RETREG2: variants seen among roughly 807,000 people sequenced by gnomAD.
RETREG2 encodes reticulophagy regulator 2.
A neutral mutation model predicts 51.6 loss-of-function variants in RETREG2; 21 were observed. The ratio of observed to expected loss-of-function variants is 0.41; its 90% CI spans 0.29 to 0.59. The LOEUF (loss-of-function observed/expected upper bound fraction) is 0.59. Ranked by LOEUF, RETREG2 falls within the 20% of genes least tolerant of loss-of-function variation. RETREG2 has a pLI of 0.34. For synonymous variants in RETREG2, 339 were observed against 288.6 expected, an observed-to-expected ratio of 1.17 and a Z score of -1.77; for missense variants, 674 against 646.0, an observed-to-expected ratio of 1.04 and a Z score of -0.47.
At position 219,178,534 on chromosome 2, in the gene RETREG2, G is replaced by A; in HGVS notation, c.182G>A (p.Arg61His). 1 of 1,434,792 alleles carries A rather than the reference G, an allele frequency of 7.0e-7. No individual in the cohort carries two copies. The allele number at this position is 1,434,792 out of a possible 1,614,324, so 88.9% of individuals were successfully genotyped here. A position where few individuals can be genotyped will look rare whatever the true frequency, so the allele number is the denominator to read the frequency against. Reference protein sequence around the residue: ...RLATTLWLRLRGWEAVLAAAQ... With the variant: ...RLATTLWLRLHGWEAVLAAAQ... ...GCCACGACGCTGTGGCTGCGGCTCC[G>A]CGGCTGGGAGGCGGTGCTGGCGGCG... The change falls in exon 1 of 9, where the codon CGC becomes CAC. Residue 61 changes from arginine (R) to histidine (H), a missense_variant. Arg to His is a conservative substitution (Grantham distance 29). Coordinates refer to ENST00000430297, the MANE Select transcript of RETREG2 (RefSeq NM_024293.6).
rs1488197886 is a variant in RETREG2, at chr2:219,184,761, G to A, written c.*2132G>A. 2 of 151,712 alleles carry A rather than the reference G, an allele frequency of 1.3e-5. No homozygotes were observed. Among genetic ancestry groups the A allele is most frequent in the Non-Finnish European group, 2.9e-5 (2 of 67,956 alleles). The allele number at this position is 151,712 out of a possible 1,614,324, so 9.4% of individuals were successfully genotyped here. Reference sequence around the variant, plus strand: ...TAGCTGGATCAAAATATTCTCCATAGGCCTGGAGTTTCATGAGGGTCTATT... The same window carrying A: ...TAGCTGGATCAAAATATTCTCCATAAGCCTGGAGTTTCATGAGGGTCTATT... On this transcript the variant is annotated 3_prime_UTR_variant, in exon 9 of 9. Coordinates refer to ENST00000430297, the MANE Select transcript of RETREG2 (RefSeq NM_024293.6).
intron 3 of RETREG2, 92 bp downstream of exon 3, chr2:219,179,855 A>G (rs1305961325): frequency 7.2e-7 from 1 of 1,382,160 alleles, no homozygotes; most frequent in Non-Finnish European, 1.0e-6. Context: ...GTGCCCCAGC[A>G]TTGTGAATGA....
At chr2:219,180,836 C>G (rs1950268421) in intron 5 of RETREG2, 82 bp downstream of exon 5, 1 of 1,495,012 alleles carries the variant, frequency 6.7e-7, no homozygotes, top group Non-Finnish European at 9.3e-7. Flanking sequence ...AGACTATGCT[C>G]TCTCTGCTCA....
chr2:219,180,893 T>A, intron 5 of RETREG2, 139 bp downstream of exon 5: 4 of 1,330,626 alleles, frequency 3.0e-6, no homozygotes, highest in Non-Finnish European at 4.2e-6. Flanking sequence ...TATTAGTAAC[T>A]GTGGAAGACT....
At position 219,183,354 on chromosome 2, in the gene RETREG2, C is replaced by G. The variant is rs1574787785; in HGVS notation, c.*725C>G. 6.6e-6 allele frequency: 1 copy of G among 152,444 alleles called. No homozygotes were observed. Among genetic ancestry groups the G allele is most frequent in the East Asian group, 1.9e-4 (1 of 5,204 alleles). 9.4% of individuals were successfully genotyped at this position (152,444 alleles called of 1,614,324 possible). On this transcript the variant is annotated 3_prime_UTR_variant, in exon 9 of 9. Transcript: ENST00000430297. The stretch of plus-strand genomic sequence containing the variant: ...CAGCACTGGAGTTGGTGAGCATGTG[C>G]TCTCTCTTGAGATTAGGAGCTTCCT...
intron 2 of RETREG2, 25 bp from the exon 3 acceptor site, chr2:219,179,708 A>C: frequency 2.5e-6 from 4 of 1,613,158 alleles, no homozygotes; most frequent in Non-Finnish European, 3.4e-6. Context: ...CCACTCAATA[A>C]TTTGCCCCCC....
intron 5 of RETREG2, 46 bp from the exon 6 acceptor site, chr2:219,181,016 A>T: frequency 6.2e-7 from 1 of 1,607,040 alleles, no homozygotes; most frequent in Non-Finnish European, 8.5e-7. Context: ...GGGGGCTCTT[A>T]GGAAATTGGC....
At chr2:219,181,912 C>T (rs1283456833) in intron 8 of RETREG2, 101 bp from the exon 9 acceptor site, 2 of 1,559,876 alleles carry the variant, frequency 1.3e-6, no homozygotes, top group East Asian at 4.5e-5. Flanking sequence ...AAGGCTTGGC[C>T]CAGCTTTCCA....
rs1950300875 is a variant in RETREG2, at chr2:219,182,714, G to T, written c.*85G>T. ...GTTTCCTCCTTTGCCTACCACTCTGGGGTGGGGCAGTGTGTGGGGAAGCTG... is the reference window on the plus strand; with the variant it reads ...GTTTCCTCCTTTGCCTACCACTCTGTGGTGGGGCAGTGTGTGGGGAAGCTG... On this transcript the variant is annotated 3_prime_UTR_variant, in exon 9 of 9. Coordinates refer to ENST00000430297, the MANE Select transcript of RETREG2 (RefSeq NM_024293.6). 4 of 1,507,430 alleles carry T rather than the reference G, an allele frequency of 2.7e-6. No individual in the cohort carries two copies. Among genetic ancestry groups the T allele is most frequent in the African/African-American group, 1.4e-5 (1 of 72,608 alleles). 93.4% of individuals were successfully genotyped at this position (1,507,430 alleles called of 1,614,324 possible).
chr2:219,179,792 A>C, intron 3 of RETREG2, 29 bp downstream of exon 3: 1 of 1,609,106 alleles, frequency 6.2e-7, no homozygotes, highest in South Asian at 1.1e-5. Flanking sequence ...TTGAAGACAA[A>C]TGCCCACATC....
In RETREG2 at chr2:219,182,953, G is replaced by A; in HGVS notation, c.*324G>A. 2.8e-6 allele frequency: 1 copy of A among 358,636 alleles called. No homozygotes were observed. The allele number at this position is 358,636 out of a possible 1,614,324, so 22.2% of individuals were successfully genotyped here. On this transcript the variant is annotated 3_prime_UTR_variant, in exon 9 of 9. Transcript: ENST00000430297. Reference sequence around the variant, plus strand: ...TCATTCCACTATGCCCCAAGCCCTGGTGGTCTGGCCCTTTCTTTTTCCTCC... The same window carrying A: ...TCATTCCACTATGCCCCAAGCCCTGATGGTCTGGCCCTTTCTTTTTCCTCC...
Position 219,180,204 on chromosome 2 carries a change from C to G in RETREG2, c.514C>G (p.Leu172Val), listed in dbSNP as rs1272067790. Reference protein sequence around the residue: ...AESWLTFQIHLQELLQYKRQN... With the variant: ...AESWLTFQIHVQELLQYKRQN... ...GAGCTGGCTCACCTTCCAGATTCAC[C>G]TGCAGGAGCTGCTGCAGTACAAGAG... The change falls in exon 4 of 9, where the codon CTG becomes GTG. Residue 172 changes from leucine (L) to valine (V), a missense_variant. Leu to Val is a conservative substitution (Grantham distance 32, BLOSUM62 1). Transcript: ENST00000430297. 2 of 1,614,222 alleles carry G rather than the reference C, an allele frequency of 1.2e-6. No individual in the cohort carries two copies. The highest frequency in any genetic ancestry group is 2.2e-5 in the East Asian group (1 of 44,890).
chr2:219,181,490 CA>C, intron 7 of RETREG2, 27 bp downstream of exon 7: 2 of 1,611,380 alleles, frequency 1.2e-6, no homozygotes, highest in Non-Finnish European at 1.7e-6. Flanking sequence ...GCGGGGGTGT[CA>C]AATAGAAAGC....
chr2:219,182,712 T>TG lies in RETREG2; in HGVS notation c.*87dup, dbSNP rs1950300842. ...CTGTTTCCTCCTTTGCCTACCACTC[T>TG]GGGGTGGGGCAGTGTGTGGGGAAGC... On this transcript the variant is annotated 3_prime_UTR_variant, in exon 9 of 9. Coordinates refer to ENST00000430297, the MANE Select transcript of RETREG2 (RefSeq NM_024293.6). 4 of 1,517,918 alleles carry TG rather than the reference T, an allele frequency of 2.6e-6. No individual in the cohort carries two copies. The South Asian group carries it at 4.9e-5, about 19-fold the overall frequency. The allele number at this position is 1,517,918 out of a possible 1,614,324, so 94.0% of individuals were successfully genotyped here. A position where few individuals can be genotyped will look rare whatever the true frequency, so the allele number is the denominator to read the frequency against.
chr2:219,180,017 T>C, intron 3 of RETREG2, 93 bp from the exon 4 acceptor site: 9 of 1,536,424 alleles, frequency 5.9e-6, no homozygotes, highest in Non-Finnish European at 7.1e-6. Flanking sequence ...TTTGCTTTTT[T>C]AGACTAAAGA....
Position 219,181,768 on chromosome 2 carries a change from C to T in RETREG2, c.1008C>T (p.Val336=). The change falls in exon 8 of 9, where the codon GTC becomes GTT. Residue 336 remains valine (V), a synonymous_variant. Transcript: ENST00000430297. ...CCACAACTCCGCAGCTGACTGATGT[C>T]TCCGAGGGTATGGGGAGCCCTTTGC... ...SRATTPQLTD[V]SEDLDQQSLP... 1.2e-6 allele frequency: 2 copies of T among 1,613,682 alleles called. No individual in the cohort carries two copies. Among genetic ancestry groups the T allele is most frequent in the Admixed American group, 3.3e-5 (2 of 60,014 alleles).
Position 219,182,261 on chromosome 2 carries a change from G to A in RETREG2, c.1264G>A (p.Val422Met). The part of the protein sequence containing the change: ...FNGAGSPPDG[V>M]KCSPGGPVET... ...TGGGGCAGGGTCCCCCCCAGATGGA[G>A]TGAAATGCTCCCCTGGAGGACCAGT... The change falls in exon 9 of 9, where the codon GTG becomes ATG. Residue 422 changes from valine to methionine, a missense_variant. Coordinates refer to ENST00000430297, the MANE Select transcript of RETREG2 (RefSeq NM_024293.6). 1.9e-6 allele frequency: 3 copies of A among 1,614,144 alleles called. No homozygotes were observed. The highest frequency in any genetic ancestry group is 1.3e-5 in the African/African-American group (1 of 75,030).
chr2:219,179,677 G>T, intron 2 of RETREG2, 56 bp from the exon 3 acceptor site: 1 of 1,544,858 alleles, frequency 6.5e-7, no homozygotes, highest in Non-Finnish European at 9.0e-7. Context: ...CTGCCTTGGG[G>T]AGTGTCTCCC....
chr2:219,180,021 C>G, intron 3 of RETREG2, 89 bp from the exon 4 acceptor site: 2 of 1,541,558 alleles, frequency 1.3e-6, no homozygotes, highest in Non-Finnish European at 1.8e-6. Flanking sequence ...CTTTTTTAGA[C>G]TAAAGATATC....
Sources: gnomAD v4.1 joint callset for allele counts on GRCh38, gnomAD v4.1.1 for gene constraint, MANE v1.5 for transcripts, NCBI Gene and HGNC (gene_info 2026-07-23, HGNC 2026-07-21) for gene names.